The following ADGRV1 variants were observed in gnomAD, a reference collection of about 807,000 sequenced individuals.
The protein encoded by ADGRV1 is G-protein coupled receptor 98.
A neutral mutation model predicts 596.2 loss-of-function variants in ADGRV1; 359 were observed. The observed-to-expected ratio is 0.60, with a 90% CI of 0.55 to 0.66. The LOEUF is 0.66. Among genes scored for constraint, ADGRV1 ranks in the 30% least tolerant of loss-of-function variants. ADGRV1 has a pLI of 0.00. For missense variants in ADGRV1, 7,274 were observed against 7,575.6 expected, an observed-to-expected ratio of 0.96 and a Z score of 1.48; for synonymous variants, 2,681 against 2,679.2, an observed-to-expected ratio of 1.00 and a Z score of -0.02.
At chr5:90,759,729 G>A in intron 58 of ADGRV1, 141 bp downstream of exon 58, 1 of 699,940 alleles carries the variant, frequency 1.4e-6, no homozygotes, top group Non-Finnish European at 2.5e-6. Context: ...ACTTTGGGAG[G>A]CCGCAGCGGG....
At chr5:90,882,785 T>A (rs1009958956) in intron 83 of ADGRV1, among the ~76,000 whole-genome samples, 2 of 152,166 alleles carry the variant, frequency 1.3e-5, no homozygotes, top group Non-Finnish European at 2.9e-5. Context: ...TTTTAAAAAA[T>A]AGTCAACTAA....
chr5:90,619,649 G>A (rs916503862), intron 4 of ADGRV1, among the ~76,000 whole-genome samples: 27 of 151,442 alleles, frequency 1.8e-4, no homozygotes, highest in African/African-American at 6.1e-4. Flanking sequence ...TGTGCACAAC[G>A]TGCAGGTTTG....
At chr5:91,099,911 G>C (rs1791220143) in intron 86 of ADGRV1, among the ~76,000 whole-genome samples, 1 of 152,194 alleles carries the variant, frequency 6.6e-6, no homozygotes, top group South Asian at 2.1e-4. Context: ...TCTACTAAGA[G>C]AGCTTAGGAG....
chr5:90,738,422 A>G (rs1307926351), intron 50 of ADGRV1, among the ~76,000 whole-genome samples: 1 of 152,020 alleles, frequency 6.6e-6, no homozygotes, highest in Non-Finnish European at 1.5e-5. Flanking sequence ...AAATTTTCTC[A>G]TGTTTTATGT....
chr5:90,755,246 G>T (rs1480528777), intron 55 of ADGRV1, 61 bp downstream of exon 55: 2 of 1,087,980 alleles, frequency 1.8e-6, no homozygotes. Flanking sequence ...AAGTAAAATT[G>T]TGATGCTCTT....
At position 90,658,156 on chromosome 5, in the gene ADGRV1, A is replaced by T. The variant is rs1769690100; in HGVS notation, c.4630A>T (p.Lys1544Ter). ...DEEGEELFILKLVSVYGGARI... is the reference protein window; with the variant it reads ...DEEGEELFIL ...GGAAGGAGAAGAATTATTCATTCTT[A>T]AACTAGTTTCTGTATATGGAGGAGC... The change falls in exon 21 of 90, where the codon AAA (lysine) becomes TAA (stop). Residue 1544 changes from lysine to a stop codon, truncating the protein, a stop_gained. Coordinates refer to ENST00000405460, the MANE Select transcript of ADGRV1 (RefSeq NM_032119.4). LOFTEE classifies it high-confidence loss of function. 1 of 1,612,828 alleles carries T rather than the reference A, an allele frequency of 6.2e-7. No homozygotes were observed. The highest frequency in any genetic ancestry group is 2.2e-5 in the East Asian group (1 of 44,852).
At chr5:91,054,536 A>T (rs1562150709) in intron 85 of ADGRV1, among the ~76,000 whole-genome samples, 1 of 152,182 alleles carries the variant, frequency 6.6e-6, no homozygotes, top group Non-Finnish European at 1.5e-5. Flanking sequence ...AATAATAGAC[A>T]CTTATTTCTC....
At chr5:91,076,320 G>A (rs867286062) in intron 86 of ADGRV1, among the ~76,000 whole-genome samples, 2 of 152,018 alleles carry the variant, frequency 1.3e-5, no homozygotes, top group South Asian at 4.1e-4. Context: ...TGTCCCTTTA[G>A]TCATTGTAGC....
At chr5:90,937,899 ATTCTT>A (rs1374471791) in intron 83 of ADGRV1, among the ~76,000 whole-genome samples, 6 of 152,066 alleles carry the variant, frequency 3.9e-5, no homozygotes, top group African/African-American at 1.4e-4. Context: ...TTGTTAGCAT[ATTCTT>A]TTAATACCTT....
chr5:90,723,481 T>C (rs1356808987), intron 45 of ADGRV1, among the ~76,000 whole-genome samples: 1 of 152,232 alleles, frequency 6.6e-6, no homozygotes, highest in East Asian at 1.9e-4. Flanking sequence ...TTGGAAGTAC[T>C]CATGAGAGCA....
Position 91,080,765 on chromosome 5 carries a change from C to T in ADGRV1, c.18310+8161C>T, listed in dbSNP as rs150773330. Among the ~76,000 whole-genome samples the T allele has an allele frequency of 4.0e-3, 613 of 152,042 alleles. 3 individuals are homozygous for T. The highest frequency in any genetic ancestry group is 0.012 in the African/African-American group (499 of 41,490). On this transcript the variant is annotated intron_variant, in intron 86 of 89. Transcript: ENST00000405460. ...CAGGTGTAATAACACTATTTAATTT[C>T]GTACAGTTGTGTGAAAGATAAAATT...
At chr5:90,998,873 C>T (rs1456487755) in intron 85 of ADGRV1, among the ~76,000 whole-genome samples, 1 of 151,996 alleles carries the variant, frequency 6.6e-6, no homozygotes, top group Non-Finnish European at 1.5e-5. Flanking sequence ...ACTTGTATTT[C>T]TTTAATTATT....
At chr5:90,569,997 G>T (rs1293027339) in intron 1 of ADGRV1, among the ~76,000 whole-genome samples, 1 of 151,964 alleles carries the variant, frequency 6.6e-6, no homozygotes, top group African/African-American at 2.4e-5. Flanking sequence ...GTACATTTAT[G>T]CCATCTTTTA....
intron 17 of ADGRV1, among the ~76,000 whole-genome samples, chr5:90,649,039 C>T (rs1401818343): frequency 6.6e-6 from 1 of 152,166 alleles, no homozygotes; most frequent in African/African-American, 2.4e-5. Flanking sequence ...GAGTCTCACT[C>T]TGTCACCAGG....
intron 87 of ADGRV1, among the ~76,000 whole-genome samples, chr5:91,111,714 G>A (rs1160762415): frequency 1.3e-5 from 2 of 152,230 alleles, no homozygotes; most frequent in East Asian, 3.9e-4. Context: ...CATGAAGAGC[G>A]GAAAAGCAGT....
intron 59 of ADGRV1, among the ~76,000 whole-genome samples, chr5:90,771,748 A>C (rs1757713695): frequency 6.6e-6 from 1 of 152,216 alleles, no homozygotes; most frequent in Non-Finnish European, 1.5e-5. Flanking sequence ...GCTATTCAGC[A>C]GAATAGAAAT....
chr5:90,735,242 A>G (rs377455145), intron 50 of ADGRV1, among the ~76,000 whole-genome samples: 1 of 152,106 alleles, frequency 6.6e-6, no homozygotes, highest in Non-Finnish European at 1.5e-5. Context: ...TGGATATCCA[A>G]TTTTCTCAAC....
intron 60 of ADGRV1, among the ~76,000 whole-genome samples, chr5:90,775,627 G>A (rs1758146103): frequency 6.6e-6 from 1 of 151,894 alleles, no homozygotes. Context: ...CAGGCATGTG[G>A]CACTATGCCC....
chr5:90,855,619 T>C (rs1766950385), intron 81 of ADGRV1, 122 bp from the exon 82 acceptor site: 3 of 618,490 alleles, frequency 4.9e-6, no homozygotes, highest in Non-Finnish European at 8.5e-6. Context: ...CTTGAAAATG[T>C]GGTCTACTTA....
Sources: allele counts gnomAD v4.1 joint callset (sites outside exome capture counted in the v4.1 genomes callset), GRCh38; gene constraint gnomAD v4.1.1; transcripts MANE v1.5; gene names NCBI Gene and HGNC (gene_info 2026-07-23, HGNC 2026-07-21).